Variants in ZFAND3 observed in about 807,000 individuals in gnomAD.
ZFAND3 encodes the protein zinc finger AN1-type containing 3.
ZFAND3 carries 10 observed loss-of-function variants against 29.6 expected under a neutral mutation model. That is an observed-to-expected ratio of 0.34 (90% CI 0.21 to 0.57). The LOEUF is 0.57. Ranked by LOEUF, ZFAND3 falls within the 20% of genes least tolerant of loss-of-function variation. ZFAND3 has a pLI of 0.86. For synonymous variants in ZFAND3, 128 were observed against 112.6 expected, an observed-to-expected ratio of 1.14 and a Z score of -0.87; for missense variants, 230 against 304.5, an observed-to-expected ratio of 0.76 and a Z score of 1.82.
In ZFAND3 at chr6:37,883,441, A is replaced by G. The variant is rs573581946; in HGVS notation, c.72-46518A>G. Reference sequence around the variant, plus strand: ...TACCCTTCGCTGTTGAACGTATAGAAAGTACCCAGACTACAAATGAGTTTT... The same window carrying G: ...TACCCTTCGCTGTTGAACGTATAGAGAGTACCCAGACTACAAATGAGTTTT... On this transcript the variant is annotated intron_variant, in intron 1 of 5. Transcript: ENST00000287218. Among the ~76,000 whole-genome samples the G allele has an allele frequency of 1.2e-4, 18 of 147,412 alleles. 2 individuals are homozygous for G. The highest frequency in any genetic ancestry group is 4.5e-4 in the African/African-American group (17 of 37,438).
chr6:38,008,273 T>C (rs1763085115), intron 2 of ZFAND3, among the ~76,000 whole-genome samples: 1 of 152,210 alleles, frequency 6.6e-6, no homozygotes, highest in Admixed American at 6.5e-5. Context: ...AATGATAATA[T>C]AGCTTATAAT....
intron 1 of ZFAND3, among the ~76,000 whole-genome samples, chr6:37,889,988 A>G (rs545126048): frequency 6.6e-6 from 1 of 152,290 alleles, no homozygotes; most frequent in East Asian, 1.9e-4. Context: ...ATGACATTTC[A>G]TTTGAGCAAC....
At chr6:37,905,184 G>C (rs1041004781) in intron 1 of ZFAND3, among the ~76,000 whole-genome samples, 1 of 152,102 alleles carries the variant, frequency 6.6e-6, no homozygotes, top group African/African-American at 2.4e-5. Flanking sequence ...GGACTGGCTT[G>C]TATGTCCTGT....
intron 1 of ZFAND3, among the ~76,000 whole-genome samples, chr6:37,826,752 C>CAA (rs200749686): frequency 3.1e-4 from 30 of 96,584 alleles, no homozygotes; most frequent in East Asian, 2.2e-3. Flanking sequence ...GACTCCATCT[C>CAA]AAAAAAAAAA....
chr6:37,877,500 A>G lies in ZFAND3; in HGVS notation c.72-52459A>G, dbSNP rs1049951922. Among the ~76,000 whole-genome samples, 9 of 151,988 alleles carry G rather than the reference A, an allele frequency of 5.9e-5. No homozygotes were observed. In the East Asian group the frequency reaches 1.7e-3, roughly 29 times the overall value. Reference sequence around the variant, plus strand: ...GGTGAGAAGTAGTCAGTTTGGGGCTATGTTTTTGCAAGCCTTGTGATAGAC... The same window carrying G: ...GGTGAGAAGTAGTCAGTTTGGGGCTGTGTTTTTGCAAGCCTTGTGATAGAC... On this transcript the variant is annotated intron_variant, in intron 1 of 5. Coordinates refer to ENST00000287218, the MANE Select transcript of ZFAND3 (RefSeq NM_021943.3).
chr6:38,067,375 C>G (rs1157279426), intron 3 of ZFAND3, among the ~76,000 whole-genome samples: 1 of 152,210 alleles, frequency 6.6e-6, no homozygotes, highest in Non-Finnish European at 1.5e-5. Flanking sequence ...ATCCATTTCA[C>G]AGGTGTGAAG....
chr6:38,064,699 T>C (rs1034127450), intron 3 of ZFAND3, among the ~76,000 whole-genome samples: 1 of 150,244 alleles, frequency 6.7e-6, no homozygotes, highest in Admixed American at 6.7e-5. Context: ...TATGAATACC[T>C]TCAGCCTGAT....
At chr6:37,924,265 C>T (rs1761439360) in intron 1 of ZFAND3, among the ~76,000 whole-genome samples, 1 of 133,544 alleles carries the variant, frequency 7.5e-6, no homozygotes, top group Non-Finnish European at 1.8e-5. Flanking sequence ...TGTCTTCTAG[C>T]TGGTGTTTGA....
At chr6:38,041,666 T>C (rs1472029027) in intron 2 of ZFAND3, among the ~76,000 whole-genome samples, 6 of 22,720 alleles carry the variant, frequency 2.6e-4, no homozygotes, top group Admixed American at 5.9e-4. Context: ...TTCTTCTTCT[T>C]CTTCTTCTTC....
intron 1 of ZFAND3, among the ~76,000 whole-genome samples, chr6:37,826,752 CAAAA>C (rs200749686): frequency 1.0e-5 from 1 of 96,548 alleles, no homozygotes. Context: ...GACTCCATCT[CAAAA>C]AAAAAAAAAA....
intron 1 of ZFAND3, among the ~76,000 whole-genome samples, chr6:37,882,179 G>A (rs1764909130): frequency 6.6e-6 from 1 of 152,134 alleles, no homozygotes; most frequent in African/African-American, 2.4e-5. Context: ...CCTTGTGTTA[G>A]CAAAAGTATT....
At chr6:38,011,648 ATTG>A (rs1340618562) in intron 2 of ZFAND3, among the ~76,000 whole-genome samples, 1 of 152,152 alleles carries the variant, frequency 6.6e-6, no homozygotes, top group Non-Finnish European at 1.5e-5. Context: ...TTTTCTTCAG[ATTG>A]TTATCATCTT....
intron 5 of ZFAND3, among the ~76,000 whole-genome samples, chr6:38,132,085 G>T (rs1006614609): frequency 6.6e-6 from 1 of 152,194 alleles, no homozygotes; most frequent in Non-Finnish European, 1.5e-5. Flanking sequence ...TGTCAGATAG[G>T]GTAGTGTCCT....
intron 1 of ZFAND3, among the ~76,000 whole-genome samples, chr6:37,874,514 CAA>C (rs11447694): frequency 3.4e-4 from 27 of 79,758 alleles, no homozygotes; most frequent in African/African-American, 5.1e-4. Context: ...AACTCCGTCT[CAA>C]AAAAAAAAAA....
intron 1 of ZFAND3, among the ~76,000 whole-genome samples, chr6:37,911,437 TAAAG>T (rs1439642473): frequency 6.6e-6 from 1 of 152,228 alleles, no homozygotes; most frequent in Non-Finnish European, 1.5e-5. Flanking sequence ...TTTTAGATGT[TAAAG>T]AAGTATGGTC....
intron 2 of ZFAND3, among the ~76,000 whole-genome samples, chr6:38,033,315 TC>T (rs1213844295): frequency 6.6e-6 from 1 of 152,230 alleles, no homozygotes; most frequent in East Asian, 1.9e-4. Context: ...ATCCAGCTTT[TC>T]CAATCTTCAT....
chr6:37,975,842 G>C (rs1762468545), intron 2 of ZFAND3, among the ~76,000 whole-genome samples: 1 of 152,086 alleles, frequency 6.6e-6, no homozygotes, highest in African/African-American at 2.4e-5. Context: ...TTTATTTTCA[G>C]AGTTGTTTTG....
chr6:37,843,672 T>C (rs1013880724), intron 1 of ZFAND3, among the ~76,000 whole-genome samples: 1 of 152,318 alleles, frequency 6.6e-6, no homozygotes, highest in Middle Eastern at 3.4e-3. Context: ...TGGGCCTGTT[T>C]TTGCAATTAC....
intron 5 of ZFAND3, chr6:38,142,940 C>G (rs890054011): frequency 6.5e-6 from 1 of 152,782 alleles, no homozygotes; most frequent in East Asian, 1.9e-4. Flanking sequence ...CTGCAGCCAG[C>G]CCCCGTCTCC....
Sources: allele counts gnomAD v4.1 joint callset (sites outside exome capture counted in the v4.1 genomes callset), GRCh38; gene constraint gnomAD v4.1.1; transcripts MANE v1.5; gene names NCBI Gene and HGNC (gene_info 2026-07-23, HGNC 2026-07-21).